Variants in TAFA2 observed in about 807,000 individuals in gnomAD.
TAFA2 encodes the protein TAFA chemokine like family member 2, also known as chemokine-like protein TAFA-2.
TAFA2 carries 7 observed loss-of-function variants against 18.8 expected under a neutral mutation model. That is an observed-to-expected ratio of 0.37 (90% CI 0.21 to 0.70). The LOEUF is 0.70. Ranked by LOEUF, TAFA2 falls within the 30% of genes least tolerant of loss-of-function variation. TAFA2 has a pLI of 0.53. For synonymous variants in TAFA2, 60 were observed against 54.2 expected (o/e 1.11, Z -0.47); for missense variants, 122 against 158.1 (o/e 0.77, Z 1.23).
chr12:62,208,023 ATCT>A (rs2062699312), intron 1 of TAFA2, among the ~76,000 whole-genome samples: 1 of 152,170 alleles, frequency 6.6e-6, no homozygotes, highest in African/African-American at 2.4e-5. Flanking sequence ...GAGATGGGCA[ATCT>A]TGGTCTCATT....
At chr12:61,836,801 T>C (rs1254158879) in intron 2 of TAFA2, among the ~76,000 whole-genome samples, 2 of 132,288 alleles carry the variant, frequency 1.5e-5, no homozygotes, top group African/African-American at 5.2e-5. Context: ...TATAATATAC[T>C]TTTAGGAAAT....
chr12:61,794,151 G>C (rs947014617), intron 2 of TAFA2, among the ~76,000 whole-genome samples: 4 of 151,826 alleles, frequency 2.6e-5, no homozygotes, highest in Non-Finnish European at 4.4e-5. Context: ...AGACAAAGAA[G>C]TCCACTCCCA....
chr12:62,236,414 G>A (rs945464490), intron 1 of TAFA2, among the ~76,000 whole-genome samples: 3 of 151,898 alleles, frequency 2.0e-5, no homozygotes, highest in African/African-American at 7.3e-5. Context: ...ACAGGTGCCT[G>A]CCACCATGCC....
At chr12:61,796,325 A>G (rs1871188484) in intron 2 of TAFA2, among the ~76,000 whole-genome samples, 2 of 151,654 alleles carry the variant, frequency 1.3e-5, no homozygotes, top group Admixed American at 1.3e-4. Flanking sequence ...ATAACTATAC[A>G]ATATAATACC....
chr12:62,051,253 C>G (rs936661698), intron 1 of TAFA2, among the ~76,000 whole-genome samples: 1 of 152,290 alleles, frequency 6.6e-6, no homozygotes, highest in Admixed American at 6.5e-5. Flanking sequence ...CAGATTGGTC[C>G]TTACTCCTCC....
At chr12:61,732,485 C>T (rs186597690) in intron 4 of TAFA2, among the ~76,000 whole-genome samples, 2 of 152,150 alleles carry the variant, frequency 1.3e-5, no homozygotes, top group East Asian at 1.9e-4. Flanking sequence ...ATGAAGTTTC[C>T]GGTAACACAC....
chr12:62,087,772 A>G (rs1347384957), intron 1 of TAFA2, among the ~76,000 whole-genome samples: 1 of 152,120 alleles, frequency 6.6e-6, no homozygotes, highest in Non-Finnish European at 1.5e-5. Flanking sequence ...CTGTGTAGGA[A>G]ATGAATCATA....
At chr12:61,923,044 G>C (rs1284508675) in intron 1 of TAFA2, among the ~76,000 whole-genome samples, 1 of 152,190 alleles carries the variant, frequency 6.6e-6, no homozygotes, top group Non-Finnish European at 1.5e-5. Context: ...TGCTTCTTTA[G>C]ATTCCTCCTC....
chr12:61,844,630 A>G (rs890409118), intron 2 of TAFA2, among the ~76,000 whole-genome samples: 38 of 152,292 alleles, frequency 2.5e-4, no homozygotes, highest in Middle Eastern at 3.4e-3. Flanking sequence ...AAACAGAAAT[A>G]ACAATTTTGT....
chr12:62,043,143 TAAG>T (rs1249269445), intron 1 of TAFA2, among the ~76,000 whole-genome samples: 3 of 152,174 alleles, frequency 2.0e-5, no homozygotes, highest in South Asian at 2.1e-4. Context: ...CTGCTGTATT[TAAG>T]AAGAATATTT....
intron 2 of TAFA2, among the ~76,000 whole-genome samples, chr12:61,843,201 G>A (rs1011728002): frequency 1.3e-5 from 2 of 152,026 alleles, no homozygotes; most frequent in Non-Finnish European, 2.9e-5. Flanking sequence ...ATTTCAGATG[G>A]TCCTTTCTAT....
intron 1 of TAFA2, among the ~76,000 whole-genome samples, chr12:61,883,319 G>C (rs985582453): frequency 6.6e-6 from 1 of 152,112 alleles, no homozygotes; most frequent in African/African-American, 2.4e-5. Flanking sequence ...ACAGAGTAAA[G>C]GCATTATTTA....
At chr12:61,835,046 C>T (rs1872862616) in intron 2 of TAFA2, among the ~76,000 whole-genome samples, 1 of 151,916 alleles carries the variant, frequency 6.6e-6, no homozygotes, top group African/African-American at 2.4e-5. Context: ...GGACTGCTTT[C>T]TGCTCTTCTA....
chr12:61,922,906 T>A (rs1877117980), intron 1 of TAFA2, among the ~76,000 whole-genome samples: 1 of 152,078 alleles, frequency 6.6e-6, no homozygotes. Context: ...TCGAGCTTGG[T>A]GGGGAGAGGG....
intron 2 of TAFA2, among the ~76,000 whole-genome samples, chr12:61,805,188 T>C (rs915703164): frequency 1.2e-4 from 18 of 151,956 alleles, no homozygotes; most frequent in Admixed American, 6.6e-5. Flanking sequence ...TTAATAATTA[T>C]GTTTAAAATA....
At chr12:62,196,170 C>T (rs528494459), upstream of TAFA2, among the ~76,000 whole-genome samples, 14 of 152,274 alleles carry the variant, frequency 9.2e-5, no homozygotes, top group Admixed American at 9.2e-4. Context: ...TTTCTTTCAG[C>T]CTTTATAGAA....
rs910445490 is a variant in TAFA2, at chr12:61,708,365, GT to G, written c.*2040del. 4.0e-5 allele frequency: 6 copies of G among 151,452 alleles called. No homozygotes were observed. Among genetic ancestry groups the G allele is most frequent in the African/African-American group, 9.7e-5 (4 of 41,230 alleles). 9.4% of individuals were successfully genotyped at this position (151,452 alleles called of 1,614,324 possible). On this transcript the variant is annotated 3_prime_UTR_variant, in exon 5 of 5. Transcript: ENST00000416284. ...CTAGTTAGTATATTTGAAATTCCAT[GT>G]TTTTTTTCTATTATATGCATGTATT...
At chr12:62,022,747 C>CT (rs1881186231) in intron 1 of TAFA2, among the ~76,000 whole-genome samples, 2 of 152,290 alleles carry the variant, frequency 1.3e-5, no homozygotes, top group African/African-American at 2.4e-5. Context: ...TAACTCCCTT[C>CT]GTCAAGCAAG....
At chr12:62,096,017 T>C (rs1228373850) in intron 1 of TAFA2, among the ~76,000 whole-genome samples, 6 of 152,098 alleles carry the variant, frequency 3.9e-5, no homozygotes, top group Non-Finnish European at 5.9e-5. Flanking sequence ...AAAACATCTC[T>C]CTAAATTGGC....
Sources: gnomAD v4.1 joint callset for allele counts (sites outside exome capture counted in the v4.1 genomes callset) on GRCh38, gnomAD v4.1.1 for gene constraint, MANE v1.5 for transcripts, NCBI Gene and HGNC (gene_info 2026-07-23, HGNC 2026-07-21) for gene names.